ZMYM2: variants seen among roughly 807,000 people sequenced by gnomAD.
The protein encoded by ZMYM2 is zinc finger MYM-type protein 2.
ZMYM2 carries 56 observed loss-of-function variants against 162.8 expected under a neutral mutation model. That is an observed-to-expected ratio of 0.34 (90% CI 0.28 to 0.43). ZMYM2 has a LOEUF of 0.43. Ranked by LOEUF, ZMYM2 falls within the 20% of genes least tolerant of loss-of-function variation. ZMYM2 has a pLI of 1.00. For missense variants in ZMYM2, 1,275 were observed against 1,621.8 expected, an observed-to-expected ratio of 0.79 and a Z score of 3.67; for synonymous variants, 510 against 541.6, an observed-to-expected ratio of 0.94 and a Z score of 0.81.
chr13:20,056,147 G>A (rs1322824587), intron 14 of ZMYM2, among the ~76,000 whole-genome samples: 1 of 152,102 alleles, frequency 6.6e-6, no homozygotes, highest in Non-Finnish European at 1.5e-5. Context: ...AATGCCAAGG[G>A]CACCTTTAAA....
the ZMYM2 span, chr13:19,864,362 C>T: frequency 2.8e-4 from 44 of 155,130 alleles, no homozygotes; most frequent in South Asian, 6.9e-3. Flanking sequence ...CTTGGGACCC[C>T]TCAAAACCAA....
At chr13:19,882,186 A>G in the ZMYM2 span, among the ~76,000 whole-genome samples, 1 of 152,118 alleles carries the variant, frequency 6.6e-6, no homozygotes, top group African/African-American at 2.4e-5. Context: ...AGACTTCATC[A>G]ATATTAAAAA....
chr13:19,876,262 G>A, the ZMYM2 span, among the ~76,000 whole-genome samples: 1 of 151,888 alleles, frequency 6.6e-6, no homozygotes, highest in South Asian at 2.1e-4. Flanking sequence ...CCTGACCTCC[G>A]GTGATCCGCC....
At chr13:20,034,067 T>A (rs1204914089) in intron 10 of ZMYM2, among the ~76,000 whole-genome samples, 187 bp from the exon 11 acceptor site, 1 of 152,218 alleles carries the variant, frequency 6.6e-6, no homozygotes, top group African/African-American at 2.4e-5. Flanking sequence ...GCACTGAATT[T>A]TGTGGAGCTA....
At chr13:19,959,157 G>C (rs1307039491) in intron 1 of ZMYM2, among the ~76,000 whole-genome samples, 2 of 148,782 alleles carry the variant, frequency 1.3e-5, no homozygotes, top group African/African-American at 4.9e-5. Flanking sequence ...GCCAGCGGCG[G>C]GGGTCGCGGG....
chr13:19,919,016 C>A, the ZMYM2 span, among the ~76,000 whole-genome samples: 2 of 152,174 alleles, frequency 1.3e-5, no homozygotes, highest in African/African-American at 2.4e-5. Flanking sequence ...GTCACACTCA[C>A]TCCTCTCTAC....
At chr13:19,921,080 T>G in the ZMYM2 span, among the ~76,000 whole-genome samples, 1 of 152,108 alleles carries the variant, frequency 6.6e-6, no homozygotes, top group South Asian at 2.1e-4. Context: ...TTCCCTTCCT[T>G]TAGTAAAAAT....
chr13:20,079,456 G>T (rs555667981), intron 21 of ZMYM2, among the ~76,000 whole-genome samples: 1 of 148,172 alleles, frequency 6.7e-6, no homozygotes, highest in Non-Finnish European at 1.5e-5. Flanking sequence ...GCTCTTCTTC[G>T]CAGCTTCTCC....
chr13:20,071,438 G>C (rs1323060308), intron 21 of ZMYM2, among the ~76,000 whole-genome samples: 1 of 152,248 alleles, frequency 6.6e-6, no homozygotes, highest in Non-Finnish European at 1.5e-5. Context: ...TGAGCAAGTG[G>C]CTCTAGGGCT....
At chr13:19,911,019 C>T in the ZMYM2 span, among the ~76,000 whole-genome samples, 2 of 149,570 alleles carry the variant, frequency 1.3e-5, no homozygotes, top group African/African-American at 4.9e-5. Flanking sequence ...AAAACAGAAT[C>T]GTAGCCCTTT....
intron 6 of ZMYM2, among the ~76,000 whole-genome samples, chr13:20,013,726 G>A (rs562348333): frequency 1.1e-4 from 17 of 152,134 alleles, no homozygotes; most frequent in South Asian, 6.2e-4. Context: ...TATGTGGTAC[G>A]TTACATGGAT....
chr13:19,987,549 C>G (rs997248463), intron 2 of ZMYM2, among the ~76,000 whole-genome samples: 2 of 150,920 alleles, frequency 1.3e-5, no homozygotes, highest in Non-Finnish European at 2.9e-5. Flanking sequence ...AGGCGTGAGG[C>G]ACCGCACCCG....
chr13:20,055,146 G>A (rs1288940202), intron 14 of ZMYM2, among the ~76,000 whole-genome samples: 1 of 152,128 alleles, frequency 6.6e-6, no homozygotes, highest in African/African-American at 2.4e-5. Flanking sequence ...AGGAGTAGGG[G>A]TAGGGGCATT....
At chr13:19,928,664 G>A in the ZMYM2 span, among the ~76,000 whole-genome samples, 2 of 152,098 alleles carry the variant, frequency 1.3e-5, no homozygotes, top group Non-Finnish European at 2.9e-5. Context: ...GGGCATGGTG[G>A]CACATGCCTG....
At chr13:19,971,128 A>G (rs1042159526) in intron 2 of ZMYM2, among the ~76,000 whole-genome samples, 14 of 151,744 alleles carry the variant, frequency 9.2e-5, no homozygotes, top group African/African-American at 2.7e-4. Flanking sequence ...GAAATATTAC[A>G]TACAGGTAAG....
At chr13:19,979,203 A>G (rs1389945135) in intron 2 of ZMYM2, among the ~76,000 whole-genome samples, 1 of 152,144 alleles carries the variant, frequency 6.6e-6, no homozygotes, top group Non-Finnish European at 1.5e-5. Context: ...GCTCTCTTTG[A>G]GGTCCACAAT....
chr13:19,925,636 G>A, the ZMYM2 span, among the ~76,000 whole-genome samples: 1 of 152,032 alleles, frequency 6.6e-6, no homozygotes, highest in Non-Finnish European at 1.5e-5. Context: ...ACTTTAGGAG[G>A]ATGAGGCGGG....
chr13:19,940,076 A>T, the ZMYM2 span, among the ~76,000 whole-genome samples: 1 of 152,250 alleles, frequency 6.6e-6, no homozygotes, highest in Admixed American at 6.5e-5. Flanking sequence ...TTATGAAAAC[A>T]TATCTAAGTA....
chr13:20,075,057 A>G (rs1957389630), intron 21 of ZMYM2, among the ~76,000 whole-genome samples: 1 of 152,248 alleles, frequency 6.6e-6, no homozygotes, highest in South Asian at 2.1e-4. Flanking sequence ...CAGCTTTAAA[A>G]GTAATCCTGA....
Sources: gnomAD v4.1 joint callset for allele counts (sites outside exome capture counted in the v4.1 genomes callset) on GRCh38, gnomAD v4.1.1 for gene constraint, MANE v1.5 for transcripts, NCBI Gene and HGNC (gene_info 2026-07-23, HGNC 2026-07-21) for gene names.